Variants in SLC4A10 observed in about 807,000 individuals in gnomAD.
The protein encoded by SLC4A10 is solute carrier family 4 member 10.
A neutral mutation model predicts 137.7 loss-of-function variants in SLC4A10; 42 were observed. That is an observed-to-expected ratio of 0.30 (90% CI 0.24 to 0.39). The LOEUF (loss-of-function observed/expected upper bound fraction) is 0.39. Ranked by LOEUF, SLC4A10 falls within the 10% of genes least tolerant of loss-of-function variation. The probability of loss-of-function intolerance (pLI) is 1.00; values close to 1 mark genes in which losing one functional copy is unlikely to be tolerated. For synonymous variants in SLC4A10, 474 were observed against 464.1 expected (o/e 1.02, Z -0.27); for missense variants, 925 against 1,355.0 (o/e 0.68, Z 4.98).
chr2:161,961,041 T>A (rs943501012), intron 21 of SLC4A10, among the ~76,000 whole-genome samples: 3 of 152,224 alleles, frequency 2.0e-5, no homozygotes, highest in Non-Finnish European at 4.4e-5. Context: ...ACTCCAATGT[T>A]CTTGAAAAAG....
chr2:161,868,246 G>A (rs1467993855), intron 6 of SLC4A10, among the ~76,000 whole-genome samples: 2 of 151,656 alleles, frequency 1.3e-5, no homozygotes, highest in Non-Finnish European at 3.0e-5. Flanking sequence ...ATAATGAAGT[G>A]TTTTAAAATA....
At chr2:161,900,064 T>G (rs1025053505) in intron 11 of SLC4A10, among the ~76,000 whole-genome samples, 1 of 152,158 alleles carries the variant, frequency 6.6e-6, no homozygotes, top group African/African-American at 2.4e-5. Flanking sequence ...ATTTCACCAC[T>G]TAAGATTTTT....
intron 19 of SLC4A10, among the ~76,000 whole-genome samples, chr2:161,954,840 C>T (rs1286606954): frequency 6.6e-6 from 1 of 152,174 alleles, no homozygotes; most frequent in African/African-American, 2.4e-5. Flanking sequence ...CAGAATCCCA[C>T]TGTTTACATT....
At chr2:161,902,779 T>A (rs758673939) in intron 12 of SLC4A10, among the ~76,000 whole-genome samples, 2 of 152,196 alleles carry the variant, frequency 1.3e-5, no homozygotes, top group Non-Finnish European at 1.5e-5. Flanking sequence ...AATATGTACA[T>A]CTTTTATTTC....
At chr2:161,783,891 C>T (rs1290779939) in intron 2 of SLC4A10, among the ~76,000 whole-genome samples, 1 of 151,664 alleles carries the variant, frequency 6.6e-6, no homozygotes, top group East Asian at 1.9e-4. Flanking sequence ...ATAATAAATC[C>T]TTCTCTATCA....
At chr2:161,789,143 G>T (rs935201101) in intron 2 of SLC4A10, among the ~76,000 whole-genome samples, 11 of 152,216 alleles carry the variant, frequency 7.2e-5, no homozygotes, top group African/African-American at 2.2e-4. Flanking sequence ...GGCCTGAGGG[G>T]AGTGTGGGCA....
At chr2:161,845,071 A>G (rs1016503001) in intron 4 of SLC4A10, among the ~76,000 whole-genome samples, 2 of 152,142 alleles carry the variant, frequency 1.3e-5, no homozygotes, top group African/African-American at 4.8e-5. Context: ...AACAAATTGC[A>G]GCACTTTAGG....
intron 1 of SLC4A10, among the ~76,000 whole-genome samples, chr2:161,635,302 T>C (rs961642165): frequency 6.6e-6 from 1 of 152,058 alleles, no homozygotes; most frequent in Non-Finnish European, 1.5e-5. Flanking sequence ...AGGAACATTG[T>C]TGTGGTAGAG....
chr2:161,958,794 A>AT (rs1260208937), intron 21 of SLC4A10, among the ~76,000 whole-genome samples: 2 of 152,320 alleles, frequency 1.3e-5, no homozygotes, highest in Middle Eastern at 3.4e-3. Flanking sequence ...AGAGGCTTAG[A>AT]TTTTACAGCA....
At position 161,930,962 on chromosome 2, in the gene SLC4A10, C is replaced by T. The variant is rs143717002; in HGVS notation, c.1998-11830C>T. 4.8e-3 allele frequency among the ~76,000 whole-genome samples: 674 copies of T among 140,186 alleles called. 3 individuals carry two copies. The highest frequency in any genetic ancestry group is 0.015 in the African/African-American group (606 of 39,214). The allele number at this position is 140,186 out of a possible 152,430, so 92.0% of individuals were successfully genotyped here. A position where few individuals can be genotyped will look rare whatever the true frequency, so the allele number is the denominator to read the frequency against. ...TTATTTTGTTTTTTAAGACGCGTCT[C>T]GCTCTGTGGCCCAAGCTGAAGTGCA... On this transcript the variant is annotated intron_variant, in intron 15 of 26. Transcript: ENST00000446997.
At chr2:161,890,696 GA>G (rs1192653817) in intron 10 of SLC4A10, among the ~76,000 whole-genome samples, 4 of 152,240 alleles carry the variant, frequency 2.6e-5, no homozygotes, top group African/African-American at 9.6e-5. Context: ...TTGCATGTGA[GA>G]GGGGTCTCCT....
At chr2:161,683,093 A>G (rs553196206) in intron 1 of SLC4A10, among the ~76,000 whole-genome samples, 1 of 152,258 alleles carries the variant, frequency 6.6e-6, no homozygotes, top group Admixed American at 6.5e-5. Flanking sequence ...GGGACTGACT[A>G]TGGAAGAGTG....
intron 1 of SLC4A10, among the ~76,000 whole-genome samples, chr2:161,735,378 CTT>C (rs1032781684): frequency 4.0e-5 from 6 of 151,728 alleles, no homozygotes; most frequent in African/African-American, 1.5e-4. Flanking sequence ...AGTACATAAA[CTT>C]AAATTTATTT....
intron 1 of SLC4A10, among the ~76,000 whole-genome samples, chr2:161,660,917 C>T (rs1163986374): frequency 6.6e-6 from 1 of 151,712 alleles, no homozygotes; most frequent in Non-Finnish European, 1.5e-5. Flanking sequence ...GCCTCGGCCT[C>T]CCAAAGTGCT....
chr2:161,717,784 T>C (rs2045100969), intron 1 of SLC4A10, among the ~76,000 whole-genome samples: 1 of 152,144 alleles, frequency 6.6e-6, no homozygotes, highest in South Asian at 2.1e-4. Flanking sequence ...CAGGTTTTGG[T>C]GTGAGGATGA....
At chr2:161,874,050 A>G in intron 8 of SLC4A10, 45 bp downstream of exon 8, 1 of 1,496,776 alleles carries the variant, frequency 6.7e-7, no homozygotes, top group Non-Finnish European at 9.0e-7. Flanking sequence ...TTCAAAGCTC[A>G]TTTCACTGTA....
At chr2:161,896,282 T>C (rs2063496369) in intron 11 of SLC4A10, among the ~76,000 whole-genome samples, 1 of 151,936 alleles carries the variant, frequency 6.6e-6, no homozygotes, top group Non-Finnish European at 1.5e-5. Flanking sequence ...TATCTCTGTT[T>C]TGGTACCAGT....
chr2:161,839,956 A>G (rs2059079377), intron 4 of SLC4A10, 29 bp downstream of exon 4: 1 of 1,608,154 alleles, frequency 6.2e-7, no homozygotes, highest in Non-Finnish European at 8.5e-7. Context: ...GGGTGAAGGT[A>G]TACTAAAGAA....
chr2:161,877,108 C>T (rs1364239004), intron 8 of SLC4A10, among the ~76,000 whole-genome samples: 1 of 152,028 alleles, frequency 6.6e-6, no homozygotes, highest in Non-Finnish European at 1.5e-5. Flanking sequence ...TTTTAACATA[C>T]TATGTACTTC....
Sources: gnomAD v4.1 joint callset for allele counts (sites outside exome capture counted in the v4.1 genomes callset) on GRCh38, gnomAD v4.1.1 for gene constraint, MANE v1.5 for transcripts, NCBI Gene and HGNC (gene_info 2026-07-23, HGNC 2026-07-21) for gene names.